Variants in EML6 observed in about 807,000 individuals in gnomAD.
EML6 encodes the protein echinoderm microtubule-associated protein-like 6.
EML6 carries 154 observed loss-of-function variants against 240.1 expected under a neutral mutation model. The ratio of observed to expected loss-of-function variants is 0.64; its 90% confidence interval spans 0.56 to 0.73. The LOEUF is 0.73. EML6 is among the 30% of genes least tolerant of loss of function. The pLI is 0.00. For missense variants in EML6, 2,964 were observed against 2,474.6 expected, an observed-to-expected ratio of 1.20 and a Z score of -4.20; for synonymous variants, 1,148 against 899.0, an observed-to-expected ratio of 1.28 and a Z score of -4.95.
chr2:54,956,989 A>G (rs1267260211), intron 32 of EML6, among the ~76,000 whole-genome samples: 2 of 152,198 alleles, frequency 1.3e-5, no homozygotes, highest in Admixed American at 6.5e-5. Context: ...TGATAATACT[A>G]TTACTACTAC....
intron 5 of EML6, 102 bp from the exon 6 acceptor site, chr2:54,827,464 G>T: frequency 1.0e-6 from 1 of 968,462 alleles, no homozygotes; most frequent in Non-Finnish European, 1.5e-6. Flanking sequence ...GCCTAGCTTG[G>T]ATAGAGCACA....
In EML6 at chr2:54,844,069, C is replaced by T; in HGVS notation, c.870C>T (p.Cys290=). ...CAGGCCTCTCTATCCGGAGCGTGTG[C>T]TGGAAAGCAGACCGCCTTCTAGCAG... The part of the protein sequence containing the change: ...GYKGLSIRSV[C]WKADRLLAGT... The change falls in exon 8 of 42, where the codon TGC becomes TGT. Residue 290 remains cysteine (C), a synonymous_variant. Coordinates refer to ENST00000356458, the MANE Select transcript of EML6 (RefSeq NM_001039753.4). The T allele has an allele frequency of 1.9e-6, 3 of 1,549,342 alleles. No homozygotes were observed. Among genetic ancestry groups the T allele is most frequent in the Non-Finnish European group, 2.6e-6 (3 of 1,145,964 alleles).
At chr2:54,968,809 GC>G in intron 41 of EML6, 41 bp downstream of exon 41, 2 of 1,132,602 alleles carry the variant, frequency 1.8e-6, no homozygotes, top group Non-Finnish European at 2.6e-6. Flanking sequence ...CACAGGCCTG[GC>G]CAGCTCTCCC....
chr2:54,923,233 G>GC (rs1674354588), intron 26 of EML6, among the ~76,000 whole-genome samples: 1 of 151,986 alleles, frequency 6.6e-6, no homozygotes, highest in Non-Finnish European at 1.5e-5. Flanking sequence ...GAGCCACCAC[G>GC]CCTGGCCAAA....
At chr2:54,921,817 A>G (rs906386061) in intron 26 of EML6, among the ~76,000 whole-genome samples, 1 of 152,132 alleles carries the variant, frequency 6.6e-6, no homozygotes, top group Non-Finnish European at 1.5e-5. Context: ...CCAAAAATAT[A>G]CGGTAAGGAG....
At chr2:54,943,997 C>T (rs1675557485) in intron 28 of EML6, among the ~76,000 whole-genome samples, 1 of 152,150 alleles carries the variant, frequency 6.6e-6, no homozygotes, top group Non-Finnish European at 1.5e-5. Flanking sequence ...CTTGGCCCTT[C>T]TGGTGCCTCC....
At chr2:54,807,420 C>G (rs112963130) in intron 2 of EML6, among the ~76,000 whole-genome samples, 1 of 152,156 alleles carries the variant, frequency 6.6e-6, no homozygotes, top group African/African-American at 2.4e-5. Flanking sequence ...CAGAGTGACA[C>G]GCTTTTATGT....
chr2:54,952,161 G>A (rs1285613912), intron 30 of EML6, among the ~76,000 whole-genome samples: 1 of 152,166 alleles, frequency 6.6e-6, no homozygotes, highest in African/African-American at 2.4e-5. Context: ...ATGAAGAAGT[G>A]GTACCATTTT....
At chr2:54,874,854 T>A (rs920013558) in intron 16 of EML6, among the ~76,000 whole-genome samples, 4 of 152,170 alleles carry the variant, frequency 2.6e-5, no homozygotes, top group Non-Finnish European at 5.9e-5. Context: ...AGGCTGAGAA[T>A]GGACATCCTG....
At chr2:54,860,131 C>A (rs1317362915) in intron 12 of EML6, among the ~76,000 whole-genome samples, 1 of 152,166 alleles carries the variant, frequency 6.6e-6, no homozygotes, top group South Asian at 2.1e-4. Context: ...AGGAACCCTA[C>A]CCTGCGCACT....
chr2:54,928,580 C>A, intron 27 of EML6, 45 bp from the exon 28 acceptor site: 6 of 1,551,670 alleles, frequency 3.9e-6, no homozygotes, highest in Non-Finnish European at 5.2e-6. Context: ...CCTTCCTGGG[C>A]CACTGCAAAC....
intron 7 of EML6, among the ~76,000 whole-genome samples, chr2:54,836,125 A>G (rs1375423461): frequency 6.6e-6 from 1 of 152,184 alleles, no homozygotes; most frequent in African/African-American, 2.4e-5. Flanking sequence ...CCCGAGCCTC[A>G]GGAGCTGGAG....
At chr2:54,903,610 G>C in intron 24 of EML6, 108 bp downstream of exon 24, 7 of 611,912 alleles carry the variant, frequency 1.1e-5, no homozygotes, top group African/African-American at 3.9e-5. Context: ...TGGGAAAGGG[G>C]AATCCCACAA....
chr2:54,836,993 G>A (rs1207663560), intron 7 of EML6, among the ~76,000 whole-genome samples: 2 of 152,112 alleles, frequency 1.3e-5, no homozygotes, highest in African/African-American at 4.8e-5. Flanking sequence ...CCTTCCTGAG[G>A]GGCTGCAAGG....
chr2:54,760,426 T>C (rs535574760), intron 2 of EML6, among the ~76,000 whole-genome samples: 1 of 152,284 alleles, frequency 6.6e-6, no homozygotes, highest in Admixed American at 6.5e-5. Context: ...CTAGGTTCTT[T>C]TGCTTTTCAA....
chr2:54,856,142 C>T (rs940016649), intron 11 of EML6, among the ~76,000 whole-genome samples: 3 of 152,176 alleles, frequency 2.0e-5, no homozygotes, highest in African/African-American at 4.8e-5. Flanking sequence ...ACTATGTTTA[C>T]GTAGCCAAAC....
intron 26 of EML6, among the ~76,000 whole-genome samples, chr2:54,923,596 A>C (rs1247531711): frequency 7.2e-5 from 11 of 152,316 alleles, no homozygotes; most frequent in African/African-American, 2.6e-4. Flanking sequence ...TTCATCATGC[A>C]TATTACTATC....
intron 8 of EML6, among the ~76,000 whole-genome samples, chr2:54,844,745 A>G (rs1294423294): frequency 6.6e-6 from 1 of 152,230 alleles, no homozygotes; most frequent in Non-Finnish European, 1.5e-5. Context: ...AGATGAAAGA[A>G]TCATGGGGCC....
At chr2:54,923,348 C>T (rs1027251136) in intron 26 of EML6, among the ~76,000 whole-genome samples, 11 of 142,778 alleles carry the variant, frequency 7.7e-5, no homozygotes, top group Admixed American at 2.2e-4. Context: ...AGAGTAGATC[C>T]TAAGTGTCCT....
Sources: gnomAD v4.1 joint callset for allele counts (sites outside exome capture counted in the v4.1 genomes callset) on GRCh38, gnomAD v4.1.1 for gene constraint, MANE v1.5 for transcripts, NCBI Gene and HGNC (gene_info 2026-07-23, HGNC 2026-07-21) for gene names.